ASB1: variants seen among roughly 807,000 people sequenced by gnomAD.
The protein encoded by ASB1 is ankyrin repeat and SOCS box protein 1.
A neutral mutation model predicts 27.7 loss-of-function variants in ASB1; 18 were observed. That is an observed-to-expected ratio of 0.65 (90% CI 0.45 to 0.96). ASB1 has a LOEUF of 0.96. Ranked by LOEUF, ASB1 falls within the 50% of genes least tolerant of loss-of-function variation. The probability of loss-of-function intolerance (pLI) is 0.00; values close to 1 mark genes in which losing one functional copy is unlikely to be tolerated. For missense variants in ASB1, 397 were observed against 451.7 expected (o/e 0.88, Z 1.10); for synonymous variants, 189 against 187.6 (o/e 1.01, Z -0.06).
chr2:238,444,344 A>G lies in ASB1; in HGVS notation c.497A>G (p.Tyr166Cys), dbSNP rs570865249. Residue 166 changes from tyrosine to cysteine, a missense_variant and splice_region_variant, in exon 4 of 5, where the codon TAC (tyrosine) becomes TGC (cysteine). Coordinates refer to ENST00000264607, the MANE Select transcript of ASB1 (RefSeq NM_001040445.3). ...GACTTTCCCTTTCTTCCCTGCAGGT[A>G]CGGGGCTGATGTTGACGTCAACCAC... ...RADILKALIR[Y>C]GADVDVNHHL... 1.2e-6 allele frequency: 2 copies of G among 1,602,984 alleles called. No homozygotes were observed. The highest frequency in any genetic ancestry group is 1.3e-5 in the African/African-American group (1 of 74,856).
intron 2 of ASB1, chr2:238,435,255 A>G (rs1701945515): frequency 5.7e-6 from 1 of 175,896 alleles, no homozygotes; most frequent in Non-Finnish European, 1.2e-5. Context: ...ATAGTCACCT[A>G]GTCCTGGTGA....
At chr2:238,440,295 G>A (rs1252142829) in intron 3 of ASB1, among the ~76,000 whole-genome samples, 1 of 152,088 alleles carries the variant, frequency 6.6e-6, no homozygotes, top group African/African-American at 2.4e-5. Flanking sequence ...CCCTCCTATT[G>A]GACCAAGCTA....
chr2:238,432,374 C>G (rs1219311017), intron 1 of ASB1, among the ~76,000 whole-genome samples: 1 of 152,058 alleles, frequency 6.6e-6, no homozygotes, highest in African/African-American at 2.4e-5. Flanking sequence ...TTATTCTGTT[C>G]TTTTGTGTTG....
chr2:238,444,739 G>T lies in ASB1; in HGVS notation c.880+12G>T. On this transcript the variant is annotated intron_variant, in intron 4 of 4. Transcript: ENST00000264607. ...TAAAGAGGCCAGAAGTAAGTGGCTTGAGTTCAGCTCTGACTTGTGGGCTGG... is the reference window on the plus strand; with the variant it reads ...TAAAGAGGCCAGAAGTAAGTGGCTTTAGTTCAGCTCTGACTTGTGGGCTGG... 1 of 1,594,550 alleles carries T rather than the reference G, an allele frequency of 6.3e-7. No individual in the cohort carries two copies. The highest frequency in any genetic ancestry group is 1.1e-5 in the South Asian group (1 of 88,678).
intron 3 of ASB1, among the ~76,000 whole-genome samples, chr2:238,439,769 C>T (rs1007863618): frequency 1.9e-4 from 29 of 152,258 alleles, no homozygotes; most frequent in African/African-American, 6.3e-4. Context: ...CGTGTGATCG[C>T]AGTGTGTCCA....
At chr2:238,431,750 G>T (rs1575001214) in intron 1 of ASB1, among the ~76,000 whole-genome samples, 1 of 152,338 alleles carries the variant, frequency 6.6e-6, no homozygotes, top group African/African-American at 2.4e-5. Context: ...CCTGAGGAGA[G>T]AGTGGGAGCA....
intron 4 of ASB1, among the ~76,000 whole-genome samples, chr2:238,445,135 T>C (rs567766746): frequency 6.1e-4 from 92 of 151,938 alleles, no homozygotes; most frequent in Non-Finnish European, 1.1e-3. Context: ...GTGCACACCA[T>C]GCCCAGCTAA....
intron 3 of ASB1, among the ~76,000 whole-genome samples, chr2:238,443,369 C>T (rs1392522680): frequency 2.0e-5 from 3 of 152,176 alleles, no homozygotes; most frequent in East Asian, 3.8e-4. Flanking sequence ...GGTTTGACAA[C>T]CTGCTACTTC....
chr2:238,440,376 C>G (rs1702056090), intron 3 of ASB1, among the ~76,000 whole-genome samples: 1 of 152,222 alleles, frequency 6.6e-6, no homozygotes, highest in African/African-American at 2.4e-5. Context: ...ACCTGGCTAC[C>G]TTTAATCCAG....
In ASB1 at chr2:238,433,718, G is replaced by T. The variant is rs535103294; in HGVS notation, c.191+23G>T. On this transcript the variant is annotated intron_variant, in intron 2 of 4. Coordinates refer to ENST00000264607, the MANE Select transcript of ASB1 (RefSeq NM_001040445.3). Reference sequence around the variant, plus strand: ...GAGGTGAGCGGCGCTGCCCAGGGCTGGTCCGGGTACTAGGGCCCTGAAGGT... The same window carrying T: ...GAGGTGAGCGGCGCTGCCCAGGGCTTGTCCGGGTACTAGGGCCCTGAAGGT... 5 of 1,612,620 alleles carry T rather than the reference G, an allele frequency of 3.1e-6. No individual in the cohort carries two copies. In the South Asian group the frequency reaches 4.4e-5, roughly 14 times the overall value.
chr2:238,433,485 T>C, intron 1 of ASB1, 69 bp from the exon 2 acceptor site: 2 of 1,574,998 alleles, frequency 1.3e-6, no homozygotes, highest in Non-Finnish European at 1.7e-6. Flanking sequence ...TCGCTGCAGA[T>C]GGCACCCCCT....
chr2:238,440,308 G>C (rs1359382058), intron 3 of ASB1, among the ~76,000 whole-genome samples: 1 of 152,184 alleles, frequency 6.6e-6, no homozygotes, highest in African/African-American at 2.4e-5. Context: ...CCAAGCTAAG[G>C]TTGTATGTAC....
Position 238,426,996 on chromosome 2 carries a change from G to C in ASB1, c.-75G>C. ...CCCCCCATTGCCCTCGGCGCCGGAA[G>C]TGGTCGCGGGTCGTTCTGCTTCCTG... On this transcript the variant is annotated 5_prime_UTR_variant, in exon 1 of 5. Coordinates refer to ENST00000264607, the MANE Select transcript of ASB1 (RefSeq NM_001040445.3). 13 of 1,169,880 alleles carry C rather than the reference G, an allele frequency of 1.1e-5. No individual in the cohort carries two copies. The highest frequency in any genetic ancestry group is 1.6e-5 in the African/African-American group (1 of 63,056). 72.5% of individuals were successfully genotyped at this position (1,169,880 alleles called of 1,614,324 possible).
chr2:238,443,930 G>T lies in ASB1; in HGVS notation c.495-412G>T, dbSNP rs1350015659. Among the ~76,000 whole-genome samples, 5 of 152,162 alleles carry T rather than the reference G, an allele frequency of 3.3e-5. No individual in the cohort carries two copies. In the East Asian group the frequency reaches 5.8e-4, roughly 18 times the overall value. On this transcript the variant is annotated intron_variant, in intron 3 of 4. Coordinates refer to ENST00000264607, the MANE Select transcript of ASB1 (RefSeq NM_001040445.3). The stretch of plus-strand genomic sequence containing the variant: ...GATTCTCTTTGGCTAAAATTTTATT[G>T]AAGATTTAAAAGTTGGTATTCCTAA...
In ASB1 at chr2:238,451,891, G is replaced by C. The variant is rs1181771252; in HGVS notation, c.*5380G>C. The C allele has an allele frequency of 2.6e-5, 3 of 117,162 alleles. No individual in the cohort carries two copies. The highest frequency in any genetic ancestry group is 6.6e-5 in the Non-Finnish European group (3 of 45,724). 7.3% of individuals were successfully genotyped at this position (117,162 alleles called of 1,614,324 possible). ...TTTCAAGTGATTGGATAGAAAGAAG[G>C]GCTCTGAAGCAGGAGTTTTCACCTG... On this transcript the variant is annotated 3_prime_UTR_variant, in exon 5 of 5. Transcript: ENST00000264607.
chr2:238,436,342 T>C (rs1701970870), intron 3 of ASB1, among the ~76,000 whole-genome samples: 1 of 152,110 alleles, frequency 6.6e-6, no homozygotes. Flanking sequence ...TTCCTTATTA[T>C]TTAAATAGCT....
rs569709443 is a variant in ASB1 at position 238,434,222 on chromosome 2, C to G, written c.191+527C>G. 2.4e-4 allele frequency among the ~76,000 whole-genome samples: 37 copies of G among 152,336 alleles called. No homozygotes were observed. In the South Asian group the frequency reaches 6.6e-3, roughly 27 times the overall value. Reference sequence around the variant, plus strand: ...CTCATCAGTGGTCCCCTGTCCTGGCCTTGCCAAACTCTGCCTGTCCCCACA... The same window carrying G: ...CTCATCAGTGGTCCCCTGTCCTGGCGTTGCCAAACTCTGCCTGTCCCCACA... On this transcript the variant is annotated intron_variant, in intron 2 of 4. Coordinates refer to ENST00000264607, the MANE Select transcript of ASB1 (RefSeq NM_001040445.3).
rs1302904982 is a variant in ASB1 at position 238,450,567 on chromosome 2, C to T, written c.*4056C>T. The T allele has an allele frequency of 1.3e-5, 2 of 152,246 alleles. No homozygotes were observed. The highest frequency in any genetic ancestry group is 4.8e-5 in the African/African-American group (2 of 41,472). The allele number at this position is 152,246 out of a possible 1,614,324, so 9.4% of individuals were successfully genotyped here. On this transcript the variant is annotated 3_prime_UTR_variant, in exon 5 of 5. Transcript: ENST00000264607. ...GTTTACGTATTGGTGAGAAATTCCT[C>T]TTGGGTTCTTGAACAGCCTGTACGC...
intron 2 of ASB1, among the ~76,000 whole-genome samples, chr2:238,434,537 C>A (rs1701931120): frequency 6.6e-6 from 1 of 152,190 alleles, no homozygotes. Flanking sequence ...TGCATAGTTC[C>A]CAAGAAAAGG....
Sources: allele counts gnomAD v4.1 joint callset (sites outside exome capture counted in the v4.1 genomes callset), GRCh38; gene constraint gnomAD v4.1.1; transcripts MANE v1.5; gene names NCBI Gene and HGNC (gene_info 2026-07-23, HGNC 2026-07-21).